TLK2: variants seen among roughly 807,000 people sequenced by gnomAD.
TLK2 encodes the protein serine/threonine-protein kinase tousled-like 2.
In TLK2, 6 loss-of-function variants were observed where a neutral mutation model predicts 117.3. That is an observed-to-expected ratio of 0.05 (90% CI 0.03 to 0.10). TLK2 has a LOEUF of 0.10. Among genes scored for constraint, TLK2 ranks in the 10% least tolerant of loss-of-function variants. The probability of loss-of-function intolerance (pLI) is 1.00; values close to 1 mark genes in which losing one functional copy is unlikely to be tolerated. For missense variants in TLK2, 299 were observed against 901.2 expected, an observed-to-expected ratio of 0.33 and a Z score of 8.56; for synonymous variants, 257 against 316.7, an observed-to-expected ratio of 0.81 and a Z score of 2.00.
chr17:62,569,241 G>A (rs2080064616), intron 11 of TLK2, among the ~76,000 whole-genome samples: 2 of 150,538 alleles, frequency 1.3e-5, no homozygotes, highest in South Asian at 4.2e-4. Flanking sequence ...GATGGAAGTT[G>A]CAGTGAGCTG....
Position 62,553,772 on chromosome 17 carries a change from AAG to A in TLK2, c.720+21_720+22del, listed in dbSNP as rs1202386127. ...TTATTAAGAGTAAGTATTAAAATGT[AAG>A]AGATTTTATAGCAAGCACCATTTGT... On this transcript the variant is annotated intron_variant, in intron 9 of 21. Coordinates refer to ENST00000346027, the MANE Select transcript of TLK2 (RefSeq NM_006852.6). The A allele has an allele frequency of 6.1e-6, 9 of 1,475,546 alleles. No homozygotes were observed. The highest frequency in any genetic ancestry group is 8.5e-6 in the Non-Finnish European group (9 of 1,055,194). The allele number at this position is 1,475,546 out of a possible 1,614,324, so 91.4% of individuals were successfully genotyped here. A position where few individuals can be genotyped will look rare whatever the true frequency, so the allele number is the denominator to read the frequency against.
At position 62,568,961 on chromosome 17, in the gene TLK2, C is replaced by G. The variant is rs141638966; in HGVS notation, c.968+3824C>G. Among the ~76,000 whole-genome samples, 626 of 152,232 alleles carry G rather than the reference C, an allele frequency of 4.1e-3. 17 individuals carry two copies. Among genetic ancestry groups the G allele is most frequent in the Admixed American group, 0.026 (404 of 15,294 alleles). ...CTTCTTTAGGTATCGTATACCATTT[C>G]ACAGCTCCCAGTTTATACAGAATAT... is the stretch of plus-strand genomic sequence containing the variant. On this transcript the variant is annotated intron_variant, in intron 11 of 21. Transcript: ENST00000346027.
At chr17:62,603,475 A>G (rs1216775245) in intron 19 of TLK2, among the ~76,000 whole-genome samples, 1 of 151,456 alleles carries the variant, frequency 6.6e-6, no homozygotes, top group Non-Finnish European at 1.5e-5. Context: ...ACAGGTCTAT[A>G]CCTCTGCTAT....
At chr17:62,516,897 A>AT in intron 2 of TLK2, 1 of 647,182 alleles carries the variant, frequency 1.5e-6, no homozygotes. Flanking sequence ...TTGCATGTAC[A>AT]TATCCAGTTT....
rs917685453 is a variant in TLK2, at chr17:62,570,224, A to G, written c.969-2991A>G. ...ACACATCTTTTGGGGGACACAACCC[A>G]TAATGGTGCAGAAGATTGATTGTCT... On this transcript the variant is annotated intron_variant, in intron 11 of 21. Coordinates refer to ENST00000346027, the MANE Select transcript of TLK2 (RefSeq NM_006852.6). Among the ~76,000 whole-genome samples, 5 of 152,198 alleles carry G rather than the reference A, an allele frequency of 3.3e-5. No individual in the cohort carries two copies. In the South Asian group the frequency reaches 6.2e-4, roughly 19 times the overall value.
Position 62,612,402 on chromosome 17 carries a change from G to A in TLK2, c.2090G>A (p.Arg697Gln), listed in dbSNP as rs768140903. 3 of 1,613,390 alleles carry A rather than the reference G, an allele frequency of 1.9e-6. No individual in the cohort carries two copies. Among genetic ancestry groups the A allele is most frequent in the Non-Finnish European group, 2.5e-6 (3 of 1,179,734 alleles). Residue 697 changes from arginine (R) to glutamine (Q), a missense_variant, in exon 22 of 22, where the codon CGA becomes CAA. Physicochemically the swap from Arg to Gln is conservative, Grantham distance 43 (BLOSUM62 1). Transcript: ENST00000346027. ...AACTCTCCTTTGCAGGCGTTTATTC[G>A]ACGATGCTTGGCCTACCGAAAGGAG... is the stretch of plus-strand genomic sequence containing the variant. ...VVTPEAKAFI[R>Q]RCLAYRKEDR...
chr17:62,607,813 C>T (rs1356840274), intron 20 of TLK2, among the ~76,000 whole-genome samples: 2 of 152,154 alleles, frequency 1.3e-5, no homozygotes, highest in Non-Finnish European at 2.9e-5. Flanking sequence ...CTTCTGGTCC[C>T]CACTCTGCTT....
chr17:62,492,065 TAC>T (rs1445949742), intron 2 of TLK2, among the ~76,000 whole-genome samples: 1 of 152,196 alleles, frequency 6.6e-6, no homozygotes, highest in Non-Finnish European at 1.5e-5. Context: ...TTTGATGAAC[TAC>T]ACAAAAAGAG....
At chr17:62,473,407 A>G (rs923313527) in intron 1 of TLK2, among the ~76,000 whole-genome samples, 42 of 152,234 alleles carry the variant, frequency 2.8e-4, no homozygotes, top group African/African-American at 9.9e-4. Context: ...CCCACACACC[A>G]ATCACTAAAC....
intron 2 of TLK2, among the ~76,000 whole-genome samples, chr17:62,518,646 C>G (rs2075806028): frequency 6.6e-6 from 1 of 151,664 alleles, no homozygotes; most frequent in Non-Finnish European, 1.5e-5. Context: ...GCAGGGGTTG[C>G]AGTGAGCTGA....
chr17:62,575,602 G>A (rs1048643344), intron 12 of TLK2, among the ~76,000 whole-genome samples: 6 of 152,188 alleles, frequency 3.9e-5, no homozygotes, highest in African/African-American at 1.4e-4. Context: ...AGAATGCGAA[G>A]AAGGTAGAGA....
Position 62,591,036 on chromosome 17 carries a change from G to A in TLK2, c.1460+4810G>A, listed in dbSNP as rs565097887. ...GGAGGCCGAGGCCGGTGGATCATGAGGTCAGGAGTTTGAGACCAGCCTGGC... is the reference window on the plus strand; with the variant it reads ...GGAGGCCGAGGCCGGTGGATCATGAAGTCAGGAGTTTGAGACCAGCCTGGC... On this transcript the variant is annotated intron_variant, in intron 16 of 21. Coordinates refer to ENST00000346027, the MANE Select transcript of TLK2 (RefSeq NM_006852.6). 2.0e-5 allele frequency among the ~76,000 whole-genome samples: 3 copies of A among 152,280 alleles called. 1 individual carries two copies. In the South Asian group the frequency reaches 6.2e-4, roughly 32 times the overall value.
At position 62,553,892 on chromosome 17, in the gene TLK2, G is replaced by C. The variant is rs1802277441; in HGVS notation, c.720+137G>C. On this transcript the variant is annotated intron_variant, in intron 9 of 21. Coordinates refer to ENST00000346027, the MANE Select transcript of TLK2 (RefSeq NM_006852.6). ...AACATTTGGGTATTTTTCTTTAATTGAGGGAATCTGAGTAGGAACCAGGTT... is the reference window on the plus strand; with the variant it reads ...AACATTTGGGTATTTTTCTTTAATTCAGGGAATCTGAGTAGGAACCAGGTT... 1.9e-5 allele frequency: 11 copies of C among 593,472 alleles called. No homozygotes were observed. In the South Asian group the frequency reaches 2.3e-4, roughly 12 times the overall value. The allele number at this position is 593,472 out of a possible 1,614,324, so 36.8% of individuals were successfully genotyped here. A position where few individuals can be genotyped will look rare whatever the true frequency, so the allele number is the denominator to read the frequency against.
At chr17:62,520,538 G>A (rs879421356) in intron 2 of TLK2, among the ~76,000 whole-genome samples, 5 of 151,820 alleles carry the variant, frequency 3.3e-5, no homozygotes, top group Admixed American at 6.6e-5. Flanking sequence ...TCAGCTGGGC[G>A]TGGTGGTGGG....
intron 7 of TLK2, among the ~76,000 whole-genome samples, chr17:62,538,271 G>T (rs1395529858): frequency 6.6e-6 from 1 of 151,898 alleles, no homozygotes; most frequent in Non-Finnish European, 1.5e-5. Flanking sequence ...TCCTGACCTC[G>T]TGATCCGCCC....
chr17:62,561,054 A>G (rs1370552990), intron 10 of TLK2, among the ~76,000 whole-genome samples: 1 of 151,688 alleles, frequency 6.6e-6, no homozygotes, highest in African/African-American at 2.4e-5. Context: ...TTCAATTCCC[A>G]CCTATGAGTG....
chr17:62,471,760 C>G (rs1035649833), intron 1 of TLK2, among the ~76,000 whole-genome samples: 1 of 151,982 alleles, frequency 6.6e-6, no homozygotes, highest in African/African-American at 2.4e-5. Context: ...AGAAGAGTAG[C>G]AAATACTGCC....
intron 10 of TLK2, among the ~76,000 whole-genome samples, chr17:62,560,900 A>C (rs1487608156): frequency 6.6e-6 from 1 of 152,038 alleles, no homozygotes; most frequent in Non-Finnish European, 1.5e-5. Flanking sequence ...ATATGTATAC[A>C]TGTGCCATAT....
chr17:62,552,472 C>T, intron 8 of TLK2, 75 bp downstream of exon 8: 1 of 1,601,132 alleles, frequency 6.2e-7, no homozygotes, highest in South Asian at 1.1e-5. Context: ...TGTAGTCTGT[C>T]ATTCTTCTCT....
Sources: gnomAD v4.1 joint callset for allele counts (sites outside exome capture counted in the v4.1 genomes callset) on GRCh38, gnomAD v4.1.1 for gene constraint, MANE v1.5 for transcripts, NCBI Gene and HGNC (gene_info 2026-07-23, HGNC 2026-07-21) for gene names.